The following CAST variants were observed in gnomAD, a reference collection of about 807,000 sequenced individuals.
The protein encoded by CAST is calpastatin.
Under a neutral mutation model 119.6 loss-of-function variants are expected in CAST, and 76 were observed. The ratio of observed to expected loss-of-function variants is 0.64; its 90% CI spans 0.53 to 0.77. CAST has a LOEUF of 0.77. Ranked by LOEUF, CAST falls within the 30% of genes least tolerant of loss-of-function variation. The pLI is 0.00. For missense variants in CAST, 953 were observed against 946.5 expected (o/e 1.01, Z -0.09); for synonymous variants, 319 against 331.6 (o/e 0.96, Z 0.41).
the CAST span, among the ~76,000 whole-genome samples, chr5:96,425,032 GAA>G: frequency 1.2e-4 from 12 of 98,274 alleles, no homozygotes; most frequent in African/African-American, 4.1e-4. Flanking sequence ...AAGAAAGAAA[GAA>G]AGAAAGAAAG....
At position 96,757,685 on chromosome 5, in the gene CAST, T is replaced by C. The variant is rs57890546; in HGVS notation, c.1833+31T>C. 106,360 of 1,441,148 alleles carry C rather than the reference T, an allele frequency of 0.074. 5,136 individuals are homozygous for C. Among genetic ancestry groups the C allele is most frequent in the African/African-American group, 0.15 (10,462 of 69,014 alleles). 89.3% of individuals were successfully genotyped at this position (1,441,148 alleles called of 1,614,324 possible). ...TCCAAAACTCTTGGTTTTATTTCTT[T>C]AGTTTTTTTTTTTTTTTTCCTTTGA... On this transcript the variant is annotated intron_variant, in intron 24 of 31. Coordinates refer to ENST00000675179, the MANE Select transcript of CAST (RefSeq NM_001750.7).
chr5:95,991,492 G>GTTTTGT, the CAST span, among the ~76,000 whole-genome samples: 1 of 123,316 alleles, frequency 8.1e-6, no homozygotes, highest in Non-Finnish European at 1.7e-5. Flanking sequence ...TTAACAACAA[G>GTTTTGT]TTTTGTTTTT....
At chr5:96,254,843 A>G in the CAST span, among the ~76,000 whole-genome samples, 4 of 152,288 alleles carry the variant, frequency 2.6e-5, no homozygotes, top group Middle Eastern at 3.4e-3. Context: ...AGAATTTCCC[A>G]TTAAAACACT....
chr5:96,411,572 A>G, the CAST span, among the ~76,000 whole-genome samples: 1 of 152,184 alleles, frequency 6.6e-6, no homozygotes, highest in African/African-American at 2.4e-5. Flanking sequence ...GAGCAATCCA[A>G]CCAAGGCACA....
the CAST span, chr5:96,399,923 CAT>C: frequency 3.3e-6 from 5 of 1,505,018 alleles, no homozygotes; most frequent in South Asian, 1.1e-5. Context: ...CATGGGCACA[CAT>C]GTGTTTAAAA....
At chr5:96,418,721 A>G in the CAST span, among the ~76,000 whole-genome samples, 7 of 152,330 alleles carry the variant, frequency 4.6e-5, no homozygotes, top group African/African-American at 1.4e-4. Flanking sequence ...GTCTGACAAC[A>G]TGCTAGAAGG....
chr5:96,565,363 T>C (rs763394831), intron 1 of CAST, among the ~76,000 whole-genome samples: 1 of 152,094 alleles, frequency 6.6e-6, no homozygotes, highest in Non-Finnish European at 1.5e-5. Context: ...TCTCGAAACA[T>C]CACATTGTAC....
upstream of CAST, chr5:96,529,754 G>A (rs998659022): frequency 9.3e-6 from 4 of 428,736 alleles, no homozygotes; most frequent in Non-Finnish European, 1.9e-5. Flanking sequence ...CAGTTCTCAC[G>A]AGATATAATG....
chr5:96,442,093 G>C, the CAST span, among the ~76,000 whole-genome samples: 1 of 152,186 alleles, frequency 6.6e-6, no homozygotes, highest in Admixed American at 6.5e-5. Flanking sequence ...AGTTTGCATA[G>C]ATAATCTCAC....
chr5:96,016,843 T>G, the CAST span, among the ~76,000 whole-genome samples: 1 of 144,872 alleles, frequency 6.9e-6, no homozygotes, highest in Admixed American at 6.8e-5. Context: ...TTTTTTTTTT[T>G]TTTTTTTTTT....
At chr5:96,453,363 C>T in the CAST span, among the ~76,000 whole-genome samples, 47 of 152,240 alleles carry the variant, frequency 3.1e-4, no homozygotes, top group Middle Eastern at 3.4e-3. Context: ...AAATTATTTT[C>T]CAGATTAGCT....
the CAST span, among the ~76,000 whole-genome samples, chr5:96,287,849 A>C: frequency 1.3e-5 from 2 of 152,146 alleles, no homozygotes; most frequent in Non-Finnish European, 2.9e-5. Flanking sequence ...TGTCTCAAAA[A>C]AAGAAAAAAA....
chr5:96,627,515 T>C (rs1246680676), intron 1 of CAST, among the ~76,000 whole-genome samples: 1 of 152,230 alleles, frequency 6.6e-6, no homozygotes, highest in African/African-American at 2.4e-5. Flanking sequence ...AGACATTTTT[T>C]GATAATTTTA....
At chr5:96,268,626 G>A in the CAST span, among the ~76,000 whole-genome samples, 1 of 151,898 alleles carries the variant, frequency 6.6e-6, no homozygotes, top group African/African-American at 2.4e-5. Context: ...AAAATAAAAG[G>A]CACAGCATAG....
chr5:96,503,804 C>G, the CAST span, among the ~76,000 whole-genome samples: 1 of 152,228 alleles, frequency 6.6e-6, no homozygotes, highest in Non-Finnish European at 1.5e-5. Flanking sequence ...TCCAACACCT[C>G]CACCCTTTTA....
the CAST span, among the ~76,000 whole-genome samples, chr5:96,105,461 T>C: frequency 6.6e-6 from 1 of 152,232 alleles, no homozygotes; most frequent in African/African-American, 2.4e-5. Flanking sequence ...TTCAATTTTG[T>C]CAAAGGCCTT....
chr5:95,978,682 G>A, the CAST span, among the ~76,000 whole-genome samples: 1 of 151,960 alleles, frequency 6.6e-6, no homozygotes, highest in Non-Finnish European at 1.5e-5. Context: ...TGCTTTTGTT[G>A]CAATTGGATA....
rs1178275410 is a variant in CAST, at chr5:96,732,354, G to C, written c.630+1494G>C. Among the ~76,000 whole-genome samples, 11 of 120,756 alleles carry C rather than the reference G, an allele frequency of 9.1e-5. No homozygotes were observed. In the East Asian group the frequency reaches 2.5e-3, roughly 27 times the overall value. 79.2% of individuals were successfully genotyped at this position (120,756 alleles called of 152,430 possible). On this transcript the variant is annotated intron_variant, in intron 9 of 31. Transcript: ENST00000675179. ...CGCCCACTTTTTGATGGGGTTGTTT[G>C]TTTTTTTCTTGTAAATTTGTTTGAG...
the CAST span, among the ~76,000 whole-genome samples, chr5:96,023,308 TG>T: frequency 6.6e-6 from 1 of 152,182 alleles, no homozygotes; most frequent in Non-Finnish European, 1.5e-5. Context: ...AATAGCTCTG[TG>T]GGGTCAGGGT....
Sources: gnomAD v4.1 joint callset for allele counts (sites outside exome capture counted in the v4.1 genomes callset) on GRCh38, gnomAD v4.1.1 for gene constraint, MANE v1.5 for transcripts, NCBI Gene and HGNC (gene_info 2026-07-23, HGNC 2026-07-21) for gene names.